Variants in GABRA6 observed in about 807,000 individuals in gnomAD.
The protein encoded by GABRA6 is gamma-aminobutyric acid type A receptor subunit alpha6.
Under a neutral mutation model 47.3 loss-of-function variants are expected in GABRA6, and 45 were observed. That is an observed-to-expected ratio of 0.95 (90% CI 0.75 to 1.22). The LOEUF is 1.22. Ranked by LOEUF, GABRA6 falls within the 50% of genes most tolerant of loss-of-function variation. GABRA6 has a pLI of 0.00. For missense variants in GABRA6, 583 were observed against 549.3 expected, an observed-to-expected ratio of 1.06 and a Z score of -0.61; for synonymous variants, 219 against 194.7, an observed-to-expected ratio of 1.12 and a Z score of -1.04.
chr5:161,696,794 TA>T (rs1315372387), intron 8 of GABRA6, among the ~76,000 whole-genome samples: 1 of 152,208 alleles, frequency 6.6e-6, no homozygotes, highest in African/African-American at 2.4e-5. Flanking sequence ...ATTTTCCCCA[TA>T]ACGATTAATA....
At chr5:161,696,819 A>G (rs1754895873) in intron 8 of GABRA6, among the ~76,000 whole-genome samples, 1 of 152,214 alleles carries the variant, frequency 6.6e-6, no homozygotes, top group Admixed American at 6.5e-5. Context: ...TGACTTTTGC[A>G]AACTATCAAT....
chr5:161,687,860 A>T (rs899823344), intron 3 of GABRA6, among the ~76,000 whole-genome samples: 1 of 152,210 alleles, frequency 6.6e-6, no homozygotes, highest in African/African-American at 2.4e-5. Flanking sequence ...GAGGAAAAGA[A>T]AGAAGAAATA....
chr5:161,700,076 A>T (rs1272633278), intron 8 of GABRA6, among the ~76,000 whole-genome samples: 1 of 152,218 alleles, frequency 6.6e-6, no homozygotes, highest in East Asian at 1.9e-4. Flanking sequence ...AGTAAGTTTC[A>T]TGGCAAATCA....
rs1412183728 is a variant in GABRA6 at position 161,701,766 on chromosome 5, T to C, written c.1355T>C (p.Val452Ala). The C allele has an allele frequency of 1.1e-5, 17 of 1,614,148 alleles. No individual in the cohort carries two copies. The highest frequency in any genetic ancestry group is 2.2e-5 in the East Asian group (1 of 44,888). Residue 452 changes from valine (V) to alanine (A), a missense_variant, in exon 9 of 9, where the codon GTT (valine) becomes GCT (alanine). Physicochemically the swap from Val to Ala is moderately conservative, Grantham distance 64. Transcript: ENST00000274545. Reference sequence around the variant, plus strand: ...GATACAATGGAAGTCAGTAGCAGTGTTGAATAGCTTGCGGCCAGGACAACC... The same window carrying C: ...GATACAATGGAAGTCAGTAGCAGTGCTGAATAGCTTGCGGCCAGGACAACC... ...SKDTMEVSSSVE is the reference protein window; with the variant it reads ...SKDTMEVSSSAE
chr5:161,701,702 G>A lies in GABRA6; in HGVS notation c.1291G>A (p.Gly431Arg). 1 of 1,614,126 alleles carries A rather than the reference G, an allele frequency of 6.2e-7. No homozygotes were observed. The highest frequency in any genetic ancestry group is 8.5e-7 in the Non-Finnish European group (1 of 1,179,994). The change falls in exon 9 of 9, where the codon GGA becomes AGA. Residue 431 changes from glycine (G) to arginine (R), a missense_variant. Coordinates refer to ENST00000274545, the MANE Select transcript of GABRA6 (RefSeq NM_000811.3). ...AATTCTCTTCCCAGTTGCATTTGCA[G>A]GATTCAACCTTGTGTACTGGGTAGT... ...SRILFPVAFA[G>R]FNLVYWVVYL...
intron 1 of GABRA6, 49 bp from the exon 2 acceptor site, chr5:161,686,181 A>G (rs764881079): frequency 8.1e-6 from 12 of 1,473,922 alleles, no homozygotes; most frequent in East Asian, 2.3e-5. Context: ...ATTAGACAAA[A>G]CCTCTTCTCT....
At position 161,689,790 on chromosome 5, in the gene GABRA6, G is replaced by A. The variant is rs1257046582; in HGVS notation, c.673+11G>A. ...TTAAATCTAACACAGGTAAGAATTT[G>A]ACCAAAGGATGGAAATAATCCCTCA... On this transcript the variant is annotated intron_variant, in intron 6 of 8. Transcript: ENST00000274545. 4 of 1,610,544 alleles carry A rather than the reference G, an allele frequency of 2.5e-6. No individual in the cohort carries two copies. The East Asian group carries it at 6.7e-5, about 27-fold the overall frequency.
At position 161,695,118 on chromosome 5, in the gene GABRA6, A is replaced by G. The variant is rs532432453; in HGVS notation, c.1086+2918A>G. Among the ~76,000 whole-genome samples, 12 of 152,266 alleles carry G rather than the reference A, an allele frequency of 7.9e-5. No homozygotes were observed. The South Asian group carries it at 2.5e-3, about 32-fold the overall frequency. On this transcript the variant is annotated intron_variant, in intron 8 of 8. Coordinates refer to ENST00000274545, the MANE Select transcript of GABRA6 (RefSeq NM_000811.3). Reference sequence around the variant, plus strand: ...GTGCTTGGATATTTCATGTGATTCTATGTTGTATATTTTAATATGTTCATT... The same window carrying G: ...GTGCTTGGATATTTCATGTGATTCTGTGTTGTATATTTTAATATGTTCATT...
At chr5:161,695,036 T>C (rs1322579431) in intron 8 of GABRA6, among the ~76,000 whole-genome samples, 1 of 152,196 alleles carries the variant, frequency 6.6e-6, no homozygotes, top group African/African-American at 2.4e-5. Flanking sequence ...CAACATTATT[T>C]GAATAAGTTT....
intron 8 of GABRA6, among the ~76,000 whole-genome samples, chr5:161,699,517 C>T (rs1754942113): frequency 6.7e-6 from 1 of 149,950 alleles, no homozygotes; most frequent in African/African-American, 2.5e-5. Flanking sequence ...TATCCACACA[C>T]AGCCTGGTGA....
Position 161,685,772 on chromosome 5 carries a change from C to A in GABRA6, c.-218C>A. 1.6e-6 allele frequency: 1 copy of A among 612,064 alleles called. No homozygotes were observed. The highest frequency in any genetic ancestry group is 2.9e-6 in the Non-Finnish European group (1 of 343,426). The allele number at this position is 612,064 out of a possible 1,614,324, so 37.9% of individuals were successfully genotyped here. On this transcript the variant is annotated 5_prime_UTR_variant, in exon 1 of 9. Transcript: ENST00000274545. ...GACATAATCTAAGACCACAAACCACCTTGTTCCACGTGAGAAGGAAACAAG... is the reference window on the plus strand; with the variant it reads ...GACATAATCTAAGACCACAAACCACATTGTTCCACGTGAGAAGGAAACAAG...
chr5:161,685,814 G>T lies in GABRA6; in HGVS notation c.-176G>T. On this transcript the variant is annotated 5_prime_UTR_variant, in exon 1 of 9. Transcript: ENST00000274545. The stretch of plus-strand genomic sequence containing the variant: ...GGAAACAAGAAAGAAGGGAGCCAGG[G>T]GAATCCTGCAAATTTTTAGGCAACC... 1.5e-6 allele frequency: 1 copy of T among 661,364 alleles called. No homozygotes were observed. The highest frequency in any genetic ancestry group is 2.7e-6 in the Non-Finnish European group (1 of 364,036). 41.0% of individuals were successfully genotyped at this position (661,364 alleles called of 1,614,324 possible).
chr5:161,697,059 A>G (rs750554247), intron 8 of GABRA6, among the ~76,000 whole-genome samples: 2 of 152,246 alleles, frequency 1.3e-5, no homozygotes, highest in Non-Finnish European at 2.9e-5. Context: ...GTTGATTGTC[A>G]TAAAGTCCAG....
At chr5:161,687,519 T>C (rs1754723117) in intron 3 of GABRA6, 1 of 456,042 alleles carries the variant, frequency 2.2e-6, no homozygotes, top group African/African-American at 2.0e-5. Context: ...GGGACTCTGT[T>C]CCAGGTACAG....
intron 7 of GABRA6, among the ~76,000 whole-genome samples, chr5:161,691,287 C>T (rs1261224787): frequency 4.9e-5 from 6 of 122,136 alleles, no homozygotes; most frequent in African/African-American, 5.9e-5. Flanking sequence ...CTTTTTCTTT[C>T]CTTTTTTTTT....
chr5:161,701,732 C>A lies in GABRA6; in HGVS notation c.1321C>A (p.Leu441Ile), dbSNP rs754535981. ...CAACCTTGTGTACTGGGTAGTTTAT[C>A]TTTCCAAAGATACAATGGAAGTCAG... ...GFNLVYWVVY[L>I]SKDTMEVSSS... The change falls in exon 9 of 9, where the codon CTT becomes ATT. Residue 441 changes from leucine (L) to isoleucine (I), a missense_variant. Transcript: ENST00000274545. The A allele has an allele frequency of 2.5e-6, 4 of 1,614,156 alleles. No homozygotes were observed. The highest frequency in any genetic ancestry group is 2.5e-6 in the Non-Finnish European group (3 of 1,179,996).
rs2113091925 is a variant in GABRA6, at chr5:161,702,006, C to A, written c.*233C>A. ...GACTTTTCTGTATGTTAGAGAAAAACTTTATGAGGATGAAATGGGTTCAAG... is the reference window on the plus strand; with the variant it reads ...GACTTTTCTGTATGTTAGAGAAAAAATTTATGAGGATGAAATGGGTTCAAG... On this transcript the variant is annotated 3_prime_UTR_variant, in exon 9 of 9. Transcript: ENST00000274545. The A allele has an allele frequency of 1.9e-6, 1 of 540,036 alleles. No individual in the cohort carries two copies. The highest frequency in any genetic ancestry group is 3.2e-5 in the Admixed American group (1 of 31,692). 33.5% of individuals were successfully genotyped at this position (540,036 alleles called of 1,614,324 possible). A position where few individuals can be genotyped will look rare whatever the true frequency, so the allele number is the denominator to read the frequency against.
chr5:161,701,599 C>T lies in GABRA6; in HGVS notation c.1188C>T (p.Ile396=). 6.2e-7 allele frequency: 1 copy of T among 1,614,170 alleles called. No homozygotes were observed. Among genetic ancestry groups the T allele is most frequent in the Non-Finnish European group, 8.5e-7 (1 of 1,180,030 alleles). ...ATAAAGTGCTCACGAGAGCGCCCATCTTACAATCAACACCTGTCACACCCC... is the reference window on the plus strand; with the variant it reads ...ATAAAGTGCTCACGAGAGCGCCCATTTTACAATCAACACCTGTCACACCCC... ...EANKVLTRAP[I]LQSTPVTPPP... is the part of the protein sequence containing the mutation. The change falls in exon 9 of 9, where the codon ATC becomes ATT. Residue 396 remains isoleucine (I), a synonymous_variant. Transcript: ENST00000274545.
intron 6 of GABRA6, 171 bp downstream of exon 6, chr5:161,689,950 A>G: frequency 1.4e-6 from 1 of 717,020 alleles, no homozygotes; most frequent in Non-Finnish European, 2.3e-6. Context: ...GCATATAAAG[A>G]TTTGTGTAAT....
Sources: allele counts gnomAD v4.1 joint callset (sites outside exome capture counted in the v4.1 genomes callset), GRCh38; gene constraint gnomAD v4.1.1; transcripts MANE v1.5; gene names NCBI Gene and HGNC (gene_info 2026-07-23, HGNC 2026-07-21).